The following DNAH10 variants were observed in gnomAD, a reference collection of about 807,000 sequenced individuals.
DNAH10 encodes dynein axonemal heavy chain 10.
Under a neutral mutation model 506.6 loss-of-function variants are expected in DNAH10, and 348 were observed. The ratio of observed to expected loss-of-function variants is 0.69; its 90% CI spans 0.63 to 0.75. The LOEUF is 0.75. Among genes scored for constraint, DNAH10 ranks in the 30% least tolerant of loss-of-function variants. DNAH10 has a pLI of 0.00. For synonymous variants in DNAH10, 2,059 were observed against 2,198.6 expected (o/e 0.94, Z 1.78); for missense variants, 5,179 against 5,787.1 (o/e 0.89, Z 3.41).
chr12:123,809,651 A>AACAACAACAAC (rs1958850133), intron 19 of DNAH10, among the ~76,000 whole-genome samples: 1 of 150,876 alleles, frequency 6.6e-6, no homozygotes, highest in African/African-American at 2.5e-5. Context: ...CGTGTCTCTA[A>AACAACAACAAC]AACAACAACA....
At chr12:123,777,295 A>G (rs547197466) in intron 5 of DNAH10, among the ~76,000 whole-genome samples, 9 of 152,334 alleles carry the variant, frequency 5.9e-5, no homozygotes, top group Non-Finnish European at 1.0e-4. Flanking sequence ...GGGGAGAGGA[A>G]AGTTAGGACG....
chr12:123,786,690 T>C (rs145322406), intron 9 of DNAH10, among the ~76,000 whole-genome samples: 9,355 of 151,250 alleles, frequency 0.062, 334 homozygotes, highest in Non-Finnish European at 0.07. Flanking sequence ...TGCACACACA[T>C]ATATCTACAT....
At chr12:123,896,735 A>AG (rs1566065297) in intron 54 of DNAH10, among the ~76,000 whole-genome samples, 1 of 151,968 alleles carries the variant, frequency 6.6e-6, no homozygotes, top group African/African-American at 2.4e-5. Context: ...AAAAAAAAAA[A>AG]AAGAAGGATT....
intron 59 of DNAH10, among the ~76,000 whole-genome samples, chr12:123,912,251 G>C (rs1448513712): frequency 3.6e-5 from 1 of 27,922 alleles, no homozygotes; most frequent in Non-Finnish European, 6.4e-5. Flanking sequence ...TCTGTCCTGG[G>C]GCGGTCTGTC....
chr12:123,808,667 C>A, intron 18 of DNAH10, 130 bp from the exon 19 acceptor site: 2 of 898,488 alleles, frequency 2.2e-6, no homozygotes, highest in Non-Finnish European at 3.5e-6. Context: ...CCCAGCCTGT[C>A]TAGGACAGCC....
intron 1 of DNAH10, among the ~76,000 whole-genome samples, chr12:123,763,772 A>G (rs995193681): frequency 6.6e-5 from 10 of 151,578 alleles, no homozygotes; most frequent in African/African-American, 2.4e-4. Context: ...CATGTTGCCC[A>G]GGGTGGTCTC....
chr12:123,783,198 G>A lies in DNAH10; in HGVS notation c.933G>A (p.Gln311=). Residue 311 remains glutamine (Q), a synonymous_variant, in exon 7 of 79, where the codon CAG becomes CAA. Transcript: ENST00000673944. ...CGGAAACCGTTGACATCTTGGAGCA[G>A]TGTGTGATAAACTGGCTGAATCAGA... ...ADPETVDILE[Q]CVINWLNQIS... 11 of 1,614,226 alleles carry A rather than the reference G, an allele frequency of 6.8e-6. No homozygotes were observed. Among genetic ancestry groups the A allele is most frequent in the Non-Finnish European group, 9.3e-6 (11 of 1,180,040 alleles).
Position 123,830,592 on chromosome 12 carries a change from A to G in DNAH10, c.4438A>G (p.Thr1480Ala). 6.2e-7 allele frequency: 1 copy of G among 1,613,780 alleles called. No individual in the cohort carries two copies. Among genetic ancestry groups the G allele is most frequent in the Non-Finnish European group, 8.5e-7 (1 of 1,179,814 alleles). The change falls in exon 26 of 79, where the codon ACC (threonine) becomes GCC (alanine). Residue 1480 changes from threonine to alanine, a missense_variant. By Grantham distance (58) the Thr-to-Ala change is moderately conservative (BLOSUM62 0). Transcript: ENST00000673944. ...MEKTSVFFEM[T>A]ETFTLENMFA... Reference sequence around the variant, plus strand: ...AAAAACGTCTGTCTTTTTTGAAATGACCGAAACGTTCACCTTGGAAAATAT... The same window carrying G: ...AAAAACGTCTGTCTTTTTTGAAATGGCCGAAACGTTCACCTTGGAAAATAT...
intron 21 of DNAH10, among the ~76,000 whole-genome samples, chr12:123,816,706 C>A (rs1385384118): frequency 1.3e-5 from 2 of 152,210 alleles, no homozygotes; most frequent in Non-Finnish European, 2.9e-5. Context: ...CCAGGTTGGA[C>A]AGAAGTCTGT....
At position 123,819,326 on chromosome 12, in the gene DNAH10, T is replaced by C. The variant is rs572579314; in HGVS notation, c.4000+76T>C. 16 of 1,065,634 alleles carry C rather than the reference T, an allele frequency of 1.5e-5. No homozygotes were observed. In the African/African-American group the frequency reaches 1.9e-4, roughly 13 times the overall value. 66.0% of individuals were successfully genotyped at this position (1,065,634 alleles called of 1,614,324 possible). ...GAGTATGTTTTGCTTAAGAGTTTTA[T>C]GGCAAGTGATGATGGTGCCGTGATT... On this transcript the variant is annotated intron_variant, in intron 23 of 78. Transcript: ENST00000673944.
At chr12:123,883,637 G>A (rs974000178) in intron 51 of DNAH10, among the ~76,000 whole-genome samples, 2 of 152,116 alleles carry the variant, frequency 1.3e-5, no homozygotes, top group Non-Finnish European at 2.9e-5. Context: ...TTGAGACGTA[G>A]CCCCATCTTA....
intron 3 of DNAH10, among the ~76,000 whole-genome samples, chr12:123,772,018 C>G (rs1214649611): frequency 6.6e-6 from 1 of 152,176 alleles, no homozygotes; most frequent in Non-Finnish European, 1.5e-5. Context: ...AATGGAGTTT[C>G]ATGGATAGCA....
rs1231059696 is a variant in DNAH10 at position 123,900,473 on chromosome 12, CCA to C, written c.9640+1662_9640+1663del. 5.3e-5 allele frequency among the ~76,000 whole-genome samples: 8 copies of C among 152,166 alleles called. No homozygotes were observed. The South Asian group carries it at 1.2e-3, about 24-fold the overall frequency. ...GAGAGCCCCTCCCCCGGTGCCCAGG[CCA>C]CAGTTTGTACTGAGGACCGCCTATT... On this transcript the variant is annotated intron_variant, in intron 56 of 78. Transcript: ENST00000673944.
rs1566117504 is a variant in DNAH10 at position 123,928,193 on chromosome 12, C to T, written c.12106-194C>T. On this transcript the variant is annotated intron_variant, in intron 69 of 78. Transcript: ENST00000673944. The surrounding 1 kb of genome is among the most constrained non-coding windows in gnomAD (Gnocchi z 4.9). ...CAGGCTGGGTGTGACCAGCTCAGTGCACCCACGGGGCCCATGGGGTTTCTC... is the reference window on the plus strand; with the variant it reads ...CAGGCTGGGTGTGACCAGCTCAGTGTACCCACGGGGCCCATGGGGTTTCTC... 2 of 644,820 alleles carry T rather than the reference C, an allele frequency of 3.1e-6. No individual in the cohort carries two copies. Among genetic ancestry groups the T allele is most frequent in the Non-Finnish European group, 5.3e-6 (2 of 377,554 alleles). The allele number at this position is 644,820 out of a possible 1,614,324, so 39.9% of individuals were successfully genotyped here.
chr12:123,821,426 G>A (rs555948869), intron 24 of DNAH10, among the ~76,000 whole-genome samples: 1 of 152,278 alleles, frequency 6.6e-6, no homozygotes, highest in Admixed American at 6.5e-5. Flanking sequence ...GAAGTCCTGG[G>A]TCGAAGTGAT....
rs749584195 is a variant in DNAH10, at chr12:123,813,815, C to T, written c.3683C>T (p.Ala1228Val). The part of the protein sequence containing the change: ...NTLEDLKFVL[A>V]TIAEIRSKSL... ...CTTGAAGATCTCAAGTTTGTCCTTGCAACAATTGCAGAAATTAGAAGTAAA... is the reference window on the plus strand; with the variant it reads ...CTTGAAGATCTCAAGTTTGTCCTTGTAACAATTGCAGAAATTAGAAGTAAA... The change falls in exon 21 of 79, where the codon GCA (alanine) becomes GTA (valine). Residue 1228 changes from alanine to valine, a missense_variant. Around this residue, in one of 3 missense-constraint regions of DNAH10, gnomAD observed 4,844 missense variants for 5,430.5 expected, o/e 0.89. Transcript: ENST00000673944. 25 of 1,613,156 alleles carry T rather than the reference C, an allele frequency of 1.5e-5. No individual in the cohort carries two copies. Among genetic ancestry groups the T allele is most frequent in the Non-Finnish European group, 1.9e-5 (23 of 1,179,734 alleles).
chr12:123,914,221 A>C, intron 60 of DNAH10, 108 bp from the exon 61 acceptor site: 1 of 981,200 alleles, frequency 1.0e-6, no homozygotes, highest in South Asian at 1.7e-5. Flanking sequence ...ACATGTTTCC[A>C]TCTGGCTAGC....
At chr12:123,897,246 C>T (rs1350722233) in intron 54 of DNAH10, among the ~76,000 whole-genome samples, 3 of 152,150 alleles carry the variant, frequency 2.0e-5, no homozygotes, top group South Asian at 2.1e-4. Context: ...TCCATTCCTC[C>T]GTTGCTGGAC....
intron 10 of DNAH10, among the ~76,000 whole-genome samples, chr12:123,789,631 C>G (rs1225464490): frequency 2.0e-5 from 3 of 152,046 alleles, no homozygotes; most frequent in Non-Finnish European, 2.9e-5. Flanking sequence ...TGATCCGCCC[C>G]CCTCAGCCTC....
Sources: gnomAD v4.1 joint callset for allele counts (sites outside exome capture counted in the v4.1 genomes callset) on GRCh38, gnomAD v4.1.1 for gene constraint, gnomAD v4.1.1 regional missense constraint, Gnocchi (gnomAD v3.1) non-coding constraint, MANE v1.5 for transcripts, NCBI Gene and HGNC (gene_info 2026-07-23, HGNC 2026-07-21) for gene names.